The following SUGCT variants were observed in gnomAD, a reference collection of about 807,000 sequenced individuals.
The protein encoded by SUGCT is succinyl-CoA:glutarate CoA-transferase.
A neutral mutation model predicts 55.0 loss-of-function variants in SUGCT; 41 were observed. The observed-to-expected ratio is 0.74, with a 90% confidence interval of 0.58 to 0.97. The LOEUF is 0.97. SUGCT is among the 50% of genes least tolerant of loss of function. The pLI, the probability that SUGCT is intolerant of heterozygous loss-of-function variation, is 0.00. For missense variants in SUGCT, 568 were observed against 547.8 expected (o/e 1.04, Z -0.37); for synonymous variants, 187 against 200.4 (o/e 0.93, Z 0.56).
chr7:40,846,871 C>T (rs1423474795), intron 13 of SUGCT, among the ~76,000 whole-genome samples: 1 of 152,160 alleles, frequency 6.6e-6, no homozygotes, highest in Non-Finnish European at 1.5e-5. Flanking sequence ...TACTTAACCC[C>T]ACTTTCTTCA....
chr7:40,805,474 T>C (rs916127033), intron 13 of SUGCT, among the ~76,000 whole-genome samples: 9 of 152,176 alleles, frequency 5.9e-5, no homozygotes, highest in Non-Finnish European at 1.2e-4. Context: ...AAAAGCATTG[T>C]TTACTATTTA....
the SUGCT span, among the ~76,000 whole-genome samples, chr7:40,904,217 G>A: frequency 6.6e-6 from 1 of 152,190 alleles, no homozygotes; most frequent in African/African-American, 2.4e-5. Flanking sequence ...TGCACCATCA[G>A]AAACATACCG....
chr7:41,009,787 G>A, the SUGCT span, among the ~76,000 whole-genome samples: 1 of 152,086 alleles, frequency 6.6e-6, no homozygotes, highest in Non-Finnish European at 1.5e-5. Context: ...TCATTATGTG[G>A]TCTGACTTTT....
chr7:40,843,252 C>A lies in SUGCT; in HGVS notation c.1154-17064C>A, dbSNP rs1793368749. On this transcript the variant is annotated intron_variant, in intron 13 of 13. Coordinates refer to ENST00000335693, the MANE Select transcript of SUGCT (RefSeq NM_001193313.2). ...TGAAGCTGGGCGTGGTGGCTCACGCCTGTAATCTCAGCTCTTTGGGAGGCC... is the reference window on the plus strand; with the variant it reads ...TGAAGCTGGGCGTGGTGGCTCACGCATGTAATCTCAGCTCTTTGGGAGGCC... 3.3e-5 allele frequency among the ~76,000 whole-genome samples: 5 copies of A among 152,130 alleles called. No individual in the cohort carries two copies. The South Asian group carries it at 1.0e-3, about 31-fold the overall frequency.
chr7:40,929,261 T>G, the SUGCT span, among the ~76,000 whole-genome samples: 1 of 152,350 alleles, frequency 6.6e-6, no homozygotes, highest in Admixed American at 6.5e-5. Context: ...ACTCATTCTT[T>G]TTTATGGCTC....
intron 1 of SUGCT, among the ~76,000 whole-genome samples, chr7:40,170,579 T>C (rs1454388854): frequency 1.3e-5 from 2 of 152,240 alleles, no homozygotes; most frequent in African/African-American, 4.8e-5. Context: ...GTGTCCTCTA[T>C]GGTCCTAATG....
intron 12 of SUGCT, among the ~76,000 whole-genome samples, chr7:40,506,207 G>A (rs186331518): frequency 7.9e-5 from 12 of 152,022 alleles, no homozygotes; most frequent in African/African-American, 2.7e-4. Flanking sequence ...TTTTTTCCAC[G>A]TTTTTTTGAT....
chr7:40,955,152 T>A, the SUGCT span, among the ~76,000 whole-genome samples: 3 of 152,220 alleles, frequency 2.0e-5, no homozygotes, highest in African/African-American at 7.2e-5. Context: ...AAATTTAAAG[T>A]AGTTTTTTCT....
At chr7:40,456,806 T>G (rs538002045) in intron 10 of SUGCT, among the ~76,000 whole-genome samples, 1 of 152,152 alleles carries the variant, frequency 6.6e-6, no homozygotes, top group East Asian at 1.9e-4. Flanking sequence ...ATAGACATGT[T>G]TCTGGTCCAG....
At chr7:41,036,284 C>T in the SUGCT span, among the ~76,000 whole-genome samples, 4 of 152,212 alleles carry the variant, frequency 2.6e-5, no homozygotes, top group African/African-American at 4.8e-5. Flanking sequence ...AGGCACCTTT[C>T]GAGAAAATTT....
chr7:40,289,358 G>GTT (rs1384839207), intron 8 of SUGCT, among the ~76,000 whole-genome samples: 1 of 152,042 alleles, frequency 6.6e-6, no homozygotes, highest in Non-Finnish European at 1.5e-5. Flanking sequence ...TAAATACTGT[G>GTT]TTTTTTTCCT....
At chr7:40,186,384 A>G (rs2150724573) in intron 3 of SUGCT, among the ~76,000 whole-genome samples, 1 of 151,616 alleles carries the variant, frequency 6.6e-6, no homozygotes, top group South Asian at 2.1e-4. Context: ...TCAGCGTCCT[A>G]AGTAGCTGGG....
the SUGCT span, among the ~76,000 whole-genome samples, chr7:40,884,532 A>G: frequency 6.6e-6 from 1 of 152,080 alleles, no homozygotes; most frequent in Non-Finnish European, 1.5e-5. Flanking sequence ...CTCACATGTT[A>G]ATATTTGGCC....
chr7:40,632,066 C>T (rs186288355), intron 12 of SUGCT, among the ~76,000 whole-genome samples: 61 of 152,282 alleles, frequency 4.0e-4, no homozygotes, highest in African/African-American at 1.4e-3. Context: ...ATCTCATTTC[C>T]CACAAGATCT....
chr7:40,651,547 C>T (rs1478930218), intron 12 of SUGCT, among the ~76,000 whole-genome samples: 1 of 152,004 alleles, frequency 6.6e-6, no homozygotes, highest in Non-Finnish European at 1.5e-5. Flanking sequence ...CATCATGTGC[C>T]TAGGCATGCA....
intron 12 of SUGCT, among the ~76,000 whole-genome samples, chr7:40,713,018 T>A (rs112421262): frequency 0.013 from 1,980 of 152,300 alleles, 15 homozygotes; most frequent in Non-Finnish European, 0.019. Context: ...AAAGCCTCTA[T>A]TTTTTTCCAT....
chr7:40,364,378 G>A (rs1212070609), intron 9 of SUGCT, among the ~76,000 whole-genome samples: 1 of 151,804 alleles, frequency 6.6e-6, no homozygotes, highest in Non-Finnish European at 1.5e-5. Flanking sequence ...TGGTTATTTT[G>A]CTCGTTAGTT....
intron 12 of SUGCT, among the ~76,000 whole-genome samples, chr7:40,705,813 T>C (rs995373404): frequency 6.6e-6 from 1 of 152,194 alleles, no homozygotes; most frequent in Non-Finnish European, 1.5e-5. Context: ...CACCATCTTC[T>C]GCACCCTGGC....
chr7:40,384,003 G>A (rs1379716338), intron 9 of SUGCT, among the ~76,000 whole-genome samples: 1 of 152,066 alleles, frequency 6.6e-6, no homozygotes, highest in African/African-American at 2.4e-5. Flanking sequence ...AATCCAACTG[G>A]GATGGTGTAA....
Sources: allele counts gnomAD v4.1 joint callset (sites outside exome capture counted in the v4.1 genomes callset), GRCh38; gene constraint gnomAD v4.1.1; transcripts MANE v1.5; gene names NCBI Gene and HGNC (gene_info 2026-07-23, HGNC 2026-07-21).